Variants in RNF38 observed in about 807,000 individuals in gnomAD.
RNF38 encodes ring finger protein 38.
RNF38 carries 15 observed loss-of-function variants against 67.2 expected under a neutral mutation model. That is an observed-to-expected ratio of 0.22 (90% confidence interval 0.15 to 0.34). The LOEUF is 0.34. Among genes scored for constraint, RNF38 ranks in the 10% least tolerant of loss-of-function variants. The pLI is 1.00. For synonymous variants in RNF38, 220 were observed against 218.8 expected (o/e 1.01, Z -0.05); for missense variants, 524 against 639.9 (o/e 0.82, Z 1.95).
intron 1 of RNF38, among the ~76,000 whole-genome samples, chr9:36,477,838 A>G (rs1257423469): frequency 7.3e-6 from 1 of 137,430 alleles, no homozygotes; most frequent in East Asian, 2.1e-4. Flanking sequence ...AAAAAAAAAG[A>G]AAGAAAAAAG....
Position 36,446,964 on chromosome 9 carries a change from C to CA in RNF38, n.242-22282dup, listed in dbSNP as rs758067952. 3.2e-3 allele frequency among the ~76,000 whole-genome samples: 432 copies of CA among 133,790 alleles called. 2 individuals are homozygous for CA. The highest frequency in any genetic ancestry group is 7.8e-3 in the Middle Eastern group (2 of 256). 87.8% of individuals were successfully genotyped at this position (133,790 alleles called of 152,430 possible). ...GGTGAAACCGTCTCTACCAAAAATA[C>CA]AAAAAAAAAAAACATAGCTGGGTGT... is the stretch of plus-strand genomic sequence containing the variant. On this transcript the variant is annotated intron_variant and non_coding_transcript_variant, in intron 1 of 3. Coordinates refer to the RNF38 transcript ENST00000488058.
chr9:36,407,233 G>A (rs1479996355), intron 2 of RNF38, among the ~76,000 whole-genome samples: 1 of 152,188 alleles, frequency 6.6e-6, no homozygotes, highest in Non-Finnish European at 1.5e-5. Flanking sequence ...GAAGAGGGCA[G>A]CAAAGGCTCA....
At chr9:36,370,674 G>C (rs1250035381) in intron 3 of RNF38, among the ~76,000 whole-genome samples, 2 of 152,144 alleles carry the variant, frequency 1.3e-5, no homozygotes, top group Non-Finnish European at 2.9e-5. Flanking sequence ...GGGAAGCTGA[G>C]GCAGGTGGAT....
intron 5 of RNF38, among the ~76,000 whole-genome samples, chr9:36,356,991 T>C (rs1834171265): frequency 1.3e-5 from 2 of 152,348 alleles, no homozygotes; most frequent in South Asian, 4.1e-4. Flanking sequence ...TAAATTAATC[T>C]GTTAAGTTAG....
rs1323825734 is a variant in RNF38, at chr9:36,400,152, C to T, written c.-44G>A. ...TTTATTTCTTTTTGGACCTCAATAA[C>T]CTGAAACACTCCCGTTTCAAAAACC... On this transcript the variant is annotated 5_prime_UTR_variant, in exon 1 of 12. Coordinates refer to ENST00000259605, the MANE Select transcript of RNF38 (RefSeq NM_022781.5). 6.2e-7 allele frequency: 1 copy of T among 1,608,446 alleles called. No individual in the cohort carries two copies. Among genetic ancestry groups the T allele is most frequent in the Non-Finnish European group, 8.5e-7 (1 of 1,177,638 alleles).
At chr9:36,395,694 A>G (rs1032340828) in intron 1 of RNF38, among the ~76,000 whole-genome samples, 1 of 152,228 alleles carries the variant, frequency 6.6e-6, no homozygotes, top group Non-Finnish European at 1.5e-5. Flanking sequence ...TAATATTTAA[A>G]CTGACAAATT....
At chr9:36,454,750 T>C (rs1839545180) in intron 1 of RNF38, among the ~76,000 whole-genome samples, 1 of 151,302 alleles carries the variant, frequency 6.6e-6, no homozygotes, top group Non-Finnish European at 1.5e-5. Flanking sequence ...GACTGGCTAA[T>C]TTTCTATATT....
chr9:36,402,620 A>G (rs901594464), upstream of RNF38, among the ~76,000 whole-genome samples: 3 of 152,162 alleles, frequency 2.0e-5, no homozygotes, highest in African/African-American at 7.2e-5. Flanking sequence ...AGGAAAGGGA[A>G]GTTACATTTG....
intron 1 of RNF38, among the ~76,000 whole-genome samples, chr9:36,470,516 G>T (rs1274630741): frequency 6.6e-6 from 1 of 152,120 alleles, no homozygotes; most frequent in Admixed American, 6.6e-5. Flanking sequence ...GTGACAGAAA[G>T]CACACAACTA....
intron 4 of RNF38, 70 bp downstream of exon 4, chr9:36,369,649 C>CA (rs34904529): frequency 3.3e-3 from 3,640 of 1,100,500 alleles, no homozygotes; most frequent in South Asian, 7.9e-3. Context: ...AACAAAAAGC[C>CA]AAAAAAAAAA....
At chr9:36,443,273 T>G (rs948779463) in intron 1 of RNF38, among the ~76,000 whole-genome samples, 1 of 152,138 alleles carries the variant, frequency 6.6e-6, no homozygotes, top group Non-Finnish European at 1.5e-5. Flanking sequence ...TAATAAAATC[T>G]CTGATGAATT....
intron 1 of RNF38, among the ~76,000 whole-genome samples, chr9:36,392,128 C>T (rs929915368): frequency 7.9e-5 from 12 of 152,084 alleles, no homozygotes; most frequent in African/African-American, 2.9e-4. Context: ...ATTAATATCC[C>T]TGCTGTTAAT....
At chr9:36,451,508 T>TGTTTGTTTG (rs1564068056) in intron 1 of RNF38, among the ~76,000 whole-genome samples, 9 of 133,394 alleles carry the variant, frequency 6.7e-5, no homozygotes, top group African/African-American at 9.7e-5. Flanking sequence ...TTTTTTTTTT[T>TGTTTGTTTG]TTTTTTTTTG....
chr9:36,460,885 CAAAAAAAAAAAA>C (rs752827635), intron 1 of RNF38, among the ~76,000 whole-genome samples: 1 of 52,948 alleles, frequency 1.9e-5, no homozygotes, highest in Non-Finnish European at 3.3e-5. Flanking sequence ...GAAACTCTCT[CAAAAAAAAAAAA>C]AAAAAAAAAG....
chr9:36,366,180 C>T (rs1834941480), intron 4 of RNF38, among the ~76,000 whole-genome samples: 1 of 151,986 alleles, frequency 6.6e-6, no homozygotes. Context: ...AGGACCCTAT[C>T]ATTTAAAAAA....
At chr9:36,390,072 T>C (rs1015025890) in intron 2 of RNF38, among the ~76,000 whole-genome samples, 13 of 152,168 alleles carry the variant, frequency 8.5e-5, no homozygotes, top group Admixed American at 6.5e-4. Flanking sequence ...CTCAGAAATG[T>C]ATGTTACTAT....
chr9:36,471,588 C>T (rs1839999573), intron 1 of RNF38, among the ~76,000 whole-genome samples: 1 of 152,110 alleles, frequency 6.6e-6, no homozygotes, highest in Non-Finnish European at 1.5e-5. Context: ...TCGCCTGAGC[C>T]CAGGAGTTCC....
At chr9:36,394,022 A>G (rs1383048799) in intron 1 of RNF38, among the ~76,000 whole-genome samples, 1 of 152,192 alleles carries the variant, frequency 6.6e-6, no homozygotes, top group Non-Finnish European at 1.5e-5. Context: ...CACGCCTGTA[A>G]TCCCAGCACT....
chr9:36,446,119 T>C (rs775899004), intron 1 of RNF38, among the ~76,000 whole-genome samples: 1 of 152,220 alleles, frequency 6.6e-6, no homozygotes. Context: ...TGAGCACACC[T>C]GAACCTCTGA....
Sources: gnomAD v4.1 joint callset for allele counts (sites outside exome capture counted in the v4.1 genomes callset) on GRCh38, gnomAD v4.1.1 for gene constraint, MANE v1.5 for transcripts, NCBI Gene and HGNC (gene_info 2026-07-23, HGNC 2026-07-21) for gene names.